DHRS7B: variants seen among roughly 807,000 people sequenced by gnomAD.
The protein encoded by DHRS7B is peroxisomal reductase activating PPAR-gamma.
In DHRS7B, 24 loss-of-function variants were observed where a neutral mutation model predicts 26.4. That is an observed-to-expected ratio of 0.91 (90% CI 0.66 to 1.28). The LOEUF is 1.28. Among genes scored for constraint, DHRS7B ranks in the 50% most tolerant of loss-of-function variants. The pLI, the probability that DHRS7B is intolerant of heterozygous loss-of-function variation, is 0.00. For missense variants in DHRS7B, 368 were observed against 419.4 expected, an observed-to-expected ratio of 0.88 and a Z score of 1.07; for synonymous variants, 142 against 166.4, an observed-to-expected ratio of 0.85 and a Z score of 1.13.
chr17:21,144,824 T>A (rs1054254848), intron 1 of DHRS7B, among the ~76,000 whole-genome samples: 5 of 150,888 alleles, frequency 3.3e-5, no homozygotes, highest in Non-Finnish European at 5.9e-5. Flanking sequence ...TCTCAAAAAA[T>A]AATAATAATA....
intron 6 of DHRS7B, 102 bp from the exon 7 acceptor site, chr17:21,190,846 G>T: frequency 8.4e-7 from 1 of 1,193,972 alleles, no homozygotes. Flanking sequence ...GCTTCATGGT[G>T]GGAAAGGCAG....
intron 1 of DHRS7B, among the ~76,000 whole-genome samples, chr17:21,146,129 C>T (rs1338422424): frequency 6.6e-6 from 1 of 152,176 alleles, no homozygotes; most frequent in Non-Finnish European, 1.5e-5. Context: ...TAAGCCTGGG[C>T]ACTGTAGCAT....
intron 1 of DHRS7B, among the ~76,000 whole-genome samples, chr17:21,131,070 A>G (rs1364014232): frequency 6.6e-6 from 1 of 152,220 alleles, no homozygotes; most frequent in Non-Finnish European, 1.5e-5. Context: ...TGTGATGGCC[A>G]CTGAATTTGC....
At chr17:21,155,550 C>T (rs547006944) in intron 1 of DHRS7B, among the ~76,000 whole-genome samples, 1 of 152,160 alleles carries the variant, frequency 6.6e-6, no homozygotes, top group African/African-American at 2.4e-5. Context: ...CTTCAATGCT[C>T]CTTTATCAGA....
intron 6 of DHRS7B, 97 bp downstream of exon 6, chr17:21,188,960 T>C: frequency 2.0e-6 from 3 of 1,527,976 alleles, no homozygotes; most frequent in South Asian, 2.3e-5. Context: ...TCATTTTCAT[T>C]TGGAAGAGAA....
At chr17:21,138,397 C>A (rs970948575) in intron 1 of DHRS7B, among the ~76,000 whole-genome samples, 2 of 150,212 alleles carry the variant, frequency 1.3e-5, no homozygotes, top group Non-Finnish European at 3.0e-5. Flanking sequence ...CTAATTTTTT[C>A]TATTTTTAGT....
chr17:21,168,539 ATG>A (rs947592220), intron 1 of DHRS7B, among the ~76,000 whole-genome samples: 3 of 151,946 alleles, frequency 2.0e-5, no homozygotes, highest in Non-Finnish European at 4.4e-5. Context: ...TGGTTAGTTT[ATG>A]TGTTTTTTGT....
chr17:21,133,733 A>G (rs1264421316), intron 1 of DHRS7B, among the ~76,000 whole-genome samples: 1 of 152,172 alleles, frequency 6.6e-6, no homozygotes, highest in Non-Finnish European at 1.5e-5. Context: ...ATTCCTAGTT[A>G]GTTAGGTCCT....
At chr17:21,173,233 A>G (rs1438293742) in intron 2 of DHRS7B, among the ~76,000 whole-genome samples, 1 of 152,262 alleles carries the variant, frequency 6.6e-6, no homozygotes, top group Admixed American at 6.5e-5. Flanking sequence ...ATATGCTCTC[A>G]AACCAGCCTG....
intron 2 of DHRS7B, chr17:21,172,404 G>A (rs1377778855): frequency 9.3e-6 from 4 of 431,582 alleles, no homozygotes; most frequent in South Asian, 5.9e-5. Context: ...CGTCAGGGTG[G>A]GAGGCAAGTG....
chr17:21,168,458 T>G (rs1974162119), intron 1 of DHRS7B, among the ~76,000 whole-genome samples: 1 of 152,064 alleles, frequency 6.6e-6, no homozygotes, highest in Admixed American at 6.6e-5. Context: ...AGCCTCAACT[T>G]CCTAGGCTCA....
At chr17:21,163,757 C>T (rs953867472) in intron 1 of DHRS7B, among the ~76,000 whole-genome samples, 4 of 152,194 alleles carry the variant, frequency 2.6e-5, no homozygotes, top group African/African-American at 9.7e-5. Context: ...GGTGTGATCA[C>T]AGCTCACTGC....
intron 1 of DHRS7B, among the ~76,000 whole-genome samples, chr17:21,169,178 C>G (rs939885922): frequency 4.6e-5 from 7 of 152,152 alleles, no homozygotes; most frequent in African/African-American, 7.2e-5. Context: ...GAGTTTTTTC[C>G]TATTTGTTAA....
intron 1 of DHRS7B, among the ~76,000 whole-genome samples, chr17:21,129,723 AAG>A (rs1282011510): frequency 6.8e-6 from 1 of 148,044 alleles, no homozygotes; most frequent in African/African-American, 2.5e-5. Flanking sequence ...AAAAAAAAAA[AAG>A]AAAAAGAAAA....
At chr17:21,154,606 C>T (rs1973840995) in intron 1 of DHRS7B, among the ~76,000 whole-genome samples, 1 of 152,042 alleles carries the variant, frequency 6.6e-6, no homozygotes. Context: ...AAAAGAACAA[C>T]ATTGGAAAAA....
Position 21,190,972 on chromosome 17 carries a change from G to GCC in DHRS7B, c.798_799dup (p.Arg267ProfsTer22), listed in dbSNP as rs773969632. Reference sequence around the variant, plus strand: ...GTTATGGACACCACCACAGCCCAGGGCCGAAGCCCTGTGGAGGTGGCCCAG... The same window carrying GCC: ...GTTATGGACACCACCACAGCCCAGGGCCCCGAAGCCCTGTGGAGGTGGCCCAG... On this transcript the variant is annotated frameshift_variant, in exon 7 of 7. Transcript: ENST00000395511. LOFTEE classifies it low-confidence loss of function (END_TRUNC). The GCC allele has an allele frequency of 3.7e-6, 6 of 1,614,126 alleles. No homozygotes were observed. Among genetic ancestry groups the GCC allele is most frequent in the Non-Finnish European group, 4.2e-6 (5 of 1,180,050 alleles).
chr17:21,146,206 C>G (rs1255822406), intron 1 of DHRS7B, among the ~76,000 whole-genome samples: 1 of 152,140 alleles, frequency 6.6e-6, no homozygotes, highest in African/African-American at 2.4e-5. Context: ...CTCAGGAGCT[C>G]AAGACCAGCC....
Position 21,129,709 on chromosome 17 carries a change from A to G in DHRS7B, c.20+2718A>G, listed in dbSNP as rs1384430038. ...AGCAGAGTAAGACCCTGACTCAAAA[A>G]AAAAAAAAAAAAAAAGAAAAAGAAA... On this transcript the variant is annotated intron_variant, in intron 1 of 6. Transcript: ENST00000395511. Among the ~76,000 whole-genome samples, 3 of 147,114 alleles carry G rather than the reference A, an allele frequency of 2.0e-5. No individual in the cohort carries two copies. The East Asian group carries it at 5.9e-4, about 29-fold the overall frequency.
intron 1 of DHRS7B, among the ~76,000 whole-genome samples, chr17:21,163,662 C>T (rs2144069949): frequency 6.6e-6 from 1 of 152,266 alleles, no homozygotes; most frequent in South Asian, 2.1e-4. Context: ...ACTGATTGTT[C>T]TCCTCACTGG....
Sources: allele counts gnomAD v4.1 joint callset (sites outside exome capture counted in the v4.1 genomes callset), GRCh38; gene constraint gnomAD v4.1.1; transcripts MANE v1.5; gene names NCBI Gene and HGNC (gene_info 2026-07-23, HGNC 2026-07-21).